Variants in RYR1 observed in about 807,000 individuals in gnomAD.
The protein encoded by RYR1 is ryanodine receptor 1.
RYR1 carries 342 observed loss-of-function variants against 583.5 expected under a neutral mutation model. That is an observed-to-expected ratio of 0.59 (90% CI 0.54 to 0.64). RYR1 has a LOEUF of 0.64. Ranked by LOEUF, RYR1 falls within the 30% of genes least tolerant of loss-of-function variation. RYR1 has a pLI of 0.00. For missense variants in RYR1, 6,032 were observed against 6,917.2 expected, an observed-to-expected ratio of 0.87 and a Z score of 4.54; for synonymous variants, 2,791 against 2,822.5, an observed-to-expected ratio of 0.99 and a Z score of 0.35.
At chr19:38,571,990 C>A in intron 94 of RYR1, 29 bp from the exon 95 acceptor site, 1 of 1,613,526 alleles carries the variant, frequency 6.2e-7, no homozygotes. Context: ...TGTGGCAGAC[C>A]CACAGATGAA....
rs374772620 is a variant in RYR1, at chr19:38,535,994, C to T, written c.11517-3C>T. On this transcript the variant is annotated splice_region_variant and splice_polypyrimidine_tract_variant and intron_variant, in intron 81 of 105. Coordinates refer to ENST00000359596, the MANE Select transcript of RYR1 (RefSeq NM_000540.3). The stretch of plus-strand genomic sequence containing the variant: ...CCCCCTATCTTTCCTTTCTTTTCCT[C>T]AGCGTCCTGGATCTCAATGCCTTTG... 1.2e-6 allele frequency: 2 copies of T among 1,613,416 alleles called. No homozygotes were observed. Among genetic ancestry groups the T allele is most frequent in the African/African-American group, 2.7e-5 (2 of 74,898 alleles).
intron 95 of RYR1, among the ~76,000 whole-genome samples, chr19:38,572,690 T>A (rs1301619787): frequency 6.6e-6 from 1 of 151,972 alleles, no homozygotes; most frequent in African/African-American, 2.4e-5. Context: ...AAGCCCCAGG[T>A]GGCATCAGGC....
In RYR1 at chr19:38,499,372, G is replaced by A; in HGVS notation, c.7027+129G>A. The A allele has an allele frequency of 1.4e-6, 2 of 1,446,386 alleles. No homozygotes were observed. The highest frequency in any genetic ancestry group is 2.3e-5 in the East Asian group (1 of 43,482). The allele number at this position is 1,446,386 out of a possible 1,614,324, so 89.6% of individuals were successfully genotyped here. A position where few individuals can be genotyped will look rare whatever the true frequency, so the allele number is the denominator to read the frequency against. Reference sequence around the variant, plus strand: ...CAGGAATCCCTTCCAGCAGGCCTGGGGCTGGCAGGGGCCTGTGTTACCCCT... The same window carrying A: ...CAGGAATCCCTTCCAGCAGGCCTGGAGCTGGCAGGGGCCTGTGTTACCCCT... On this transcript the variant is annotated intron_variant, in intron 43 of 105. Coordinates refer to ENST00000359596, the MANE Select transcript of RYR1 (RefSeq NM_000540.3). The surrounding 1 kb of genome is among the most constrained non-coding windows in gnomAD (Gnocchi z 7.3).
At position 38,565,810 on chromosome 19, in the gene RYR1, G is replaced by A; in HGVS notation, c.13437+39G>A. ...CGGGGTTTTGGGGTTTTGGAAAGAT[G>A]GGGGATTGGAGGGAGGAAGAGAGCC... On this transcript the variant is annotated intron_variant, in intron 91 of 105. Transcript: ENST00000359596. This position sits in a 1 kb window ranked among gnomAD's most constrained non-coding sequence, Gnocchi z 4.7. 1 of 1,371,806 alleles carries A rather than the reference G, an allele frequency of 7.3e-7. No individual in the cohort carries two copies. The highest frequency in any genetic ancestry group is 9.3e-7 in the Non-Finnish European group (1 of 1,070,774). 85.0% of individuals were successfully genotyped at this position (1,371,806 alleles called of 1,614,324 possible). A position where few individuals can be genotyped will look rare whatever the true frequency, so the allele number is the denominator to read the frequency against.
At chr19:38,535,767 A>G in intron 81 of RYR1, 1 of 617,258 alleles carries the variant, frequency 1.6e-6, no homozygotes, top group Non-Finnish European at 2.9e-6. Flanking sequence ...AGCTTTTGCT[A>G]AATGGGTGGT....
At chr19:38,566,869 C>G (rs1242654779) in intron 91 of RYR1, 42 bp from the exon 92 acceptor site, 2 of 1,577,282 alleles carry the variant, frequency 1.3e-6, no homozygotes, top group Non-Finnish European at 1.7e-6. Context: ...CTGAGAAGCG[C>G]TTAGGGTGAG....
chr19:38,439,054 A>G (rs551771638), intron 1 of RYR1, among the ~76,000 whole-genome samples: 2 of 152,194 alleles, frequency 1.3e-5, no homozygotes, highest in African/African-American at 4.8e-5. Context: ...TCACTGCTCT[A>G]TATTTAGTGC....
At chr19:38,477,340 A>G (rs1016482832) in intron 29 of RYR1, among the ~76,000 whole-genome samples, 4 of 151,978 alleles carry the variant, frequency 2.6e-5, no homozygotes, top group Non-Finnish European at 5.9e-5. Context: ...ACAGAGTTTC[A>G]CCATATTGGT....
chr19:38,454,400 G>A (rs1967253815), intron 13 of RYR1, among the ~76,000 whole-genome samples: 1 of 152,184 alleles, frequency 6.6e-6, no homozygotes, highest in African/African-American at 2.4e-5. Context: ...GTGCTGAAGT[G>A]CTGTCTAGCT....
Position 38,464,662 on chromosome 19 carries a change from A to T in RYR1, c.2810A>T (p.His937Leu), listed in dbSNP as rs1456848134. Residue 937 changes from histidine (H) to leucine (L), a missense_variant, in exon 23 of 106, where the codon CAC (histidine) becomes CTC (leucine). His to Leu is a moderately conservative substitution (Grantham distance 99, BLOSUM62 -3). This residue lies in a region of RYR1 where 2,627 missense variants were observed against 2,961.3 expected (regional missense o/e 0.89). Coordinates refer to ENST00000359596, the MANE Select transcript of RYR1 (RefSeq NM_000540.3). ...TLKTLLALGC[H>L]VGMADEKAED... Reference sequence around the variant, plus strand: ...AGGACTCTGCTGGCTCTGGGCTGCCACGTGGGCATGGCGGATGAGAAGGCG... The same window carrying T: ...AGGACTCTGCTGGCTCTGGGCTGCCTCGTGGGCATGGCGGATGAGAAGGCG... The T allele has an allele frequency of 6.3e-7, 1 of 1,592,166 alleles. No homozygotes were observed.
intron 102 of RYR1, 109 bp downstream of exon 102, chr19:38,585,208 C>CACAGTAGCGAGAG: frequency 2.2e-6 from 3 of 1,352,172 alleles, no homozygotes; most frequent in African/African-American, 1.4e-5. Context: ...CTCTACCTCT[C>CACAGTAGCGAGAG]GCTACTGTGA....
rs1448837397 is a variant in RYR1 at position 38,473,386 on chromosome 19, G to T, written c.3775G>T (p.Val1259Leu). Residue 1259 changes from valine (V) to leucine (L), a missense_variant, in exon 28 of 106, where the codon GTG becomes TTG. Val to Leu is a conservative substitution (Grantham distance 32). Coordinates refer to ENST00000359596, the MANE Select transcript of RYR1 (RefSeq NM_000540.3). ...TTCCCTGCCACCTCAGGTATCCCGAGTGGACGGCACTGTGGACACGCCCCC... is the reference window on the plus strand; with the variant it reads ...TTCCCTGCCACCTCAGGTATCCCGATTGGACGGCACTGTGGACACGCCCCC... ...LEHPHYEVSR[V>L]DGTVDTPPCL... 6.2e-7 allele frequency: 1 copy of T among 1,613,704 alleles called. No homozygotes were observed. Among genetic ancestry groups the T allele is most frequent in the Non-Finnish European group, 8.5e-7 (1 of 1,179,976 alleles).
intron 93 of RYR1, 30 bp downstream of exon 93, chr19:38,567,947 T>C (rs761355511): frequency 6.2e-6 from 10 of 1,611,306 alleles, no homozygotes; most frequent in African/African-American, 5.3e-5. Flanking sequence ...ACCTGAACCT[T>C]CTTCTCCCCG....
chr19:38,542,376 C>G (rs1054653227), intron 84 of RYR1, among the ~76,000 whole-genome samples: 2 of 152,042 alleles, frequency 1.3e-5, no homozygotes, highest in Non-Finnish European at 2.9e-5. Context: ...TGGAAACTAA[C>G]GAGGAACTGA....
In RYR1 at chr19:38,581,397, A is replaced by G. The variant is rs182683326; in HGVS notation, c.14646+893A>G. Among the ~76,000 whole-genome samples the G allele has an allele frequency of 3.3e-5, 5 of 152,098 alleles. No individual in the cohort carries two copies. In the East Asian group the frequency reaches 9.7e-4, roughly 29 times the overall value. Reference sequence around the variant, plus strand: ...CGGCCAATTTTTGTATTCTTAGTAGAGACGGAGTTTCACCATGTTGGCCAG... The same window carrying G: ...CGGCCAATTTTTGTATTCTTAGTAGGGACGGAGTTTCACCATGTTGGCCAG... On this transcript the variant is annotated intron_variant, in intron 101 of 105. Coordinates refer to ENST00000359596, the MANE Select transcript of RYR1 (RefSeq NM_000540.3).
chr19:38,454,785 ATG>A (rs1204179556), intron 13 of RYR1, among the ~76,000 whole-genome samples: 2 of 86,290 alleles, frequency 2.3e-5, no homozygotes, highest in African/African-American at 8.3e-5. Flanking sequence ...AAATATTAAA[ATG>A]TAAAAAAAAA....
chr19:38,464,284 A>G (rs1229917117), intron 22 of RYR1, among the ~76,000 whole-genome samples: 9 of 22,500 alleles, frequency 4.0e-4, no homozygotes, highest in Non-Finnish European at 8.8e-4. Flanking sequence ...TTCAGAAAAA[A>G]AAAAAAAAAA....
intron 21 of RYR1, 97 bp downstream of exon 21, chr19:38,463,624 C>A: frequency 6.9e-7 from 1 of 1,449,136 alleles, no homozygotes; most frequent in Non-Finnish European, 9.7e-7. Flanking sequence ...GACCACAGGG[C>A]ACCAGGGGGT....
In RYR1 at chr19:38,502,591, C is replaced by T. The variant is rs374982449; in HGVS notation, c.7699C>T (p.Pro2567Ser). Residue 2567 changes from proline to serine, a missense_variant, in exon 48 of 106, where the codon CCG (proline) becomes TCG (serine). Transcript: ENST00000359596. ...GCTGCCGCTCATCACCAAGTGTGCG[C>T]CGCTCTTTGCGGGCACAGAACACCG... ...AVLPLITKCAPLFAGTEHRAI... is the reference protein window; with the variant it reads ...AVLPLITKCASLFAGTEHRAI... 115 of 1,612,600 alleles carry T rather than the reference C, an allele frequency of 7.1e-5. 1 individual carries two copies. The highest frequency in any genetic ancestry group is 9.1e-5 in the Non-Finnish European group (107 of 1,179,932).
Sources: allele counts gnomAD v4.1 joint callset (sites outside exome capture counted in the v4.1 genomes callset), GRCh38; gene constraint gnomAD v4.1.1; regional missense constraint gnomAD v4.1.1; non-coding constraint Gnocchi (gnomAD v3.1); transcripts MANE v1.5; gene names NCBI Gene and HGNC (gene_info 2026-07-23, HGNC 2026-07-21).